The following ZFP91 variants were observed in gnomAD, a reference collection of about 807,000 sequenced individuals.
ZFP91 encodes E3 ubiquitin-protein ligase ZFP91.
ZFP91 carries 7 observed loss-of-function variants against 63.5 expected under a neutral mutation model. The ratio of observed to expected loss-of-function variants is 0.11; its 90% CI spans 0.06 to 0.21. The LOEUF (loss-of-function observed/expected upper bound fraction) is 0.21, where lower values mean the gene tolerates loss of function less well. Among genes scored for constraint, ZFP91 ranks in the 10% least tolerant of loss-of-function variants. The pLI is 1.00. For missense variants in ZFP91, 628 were observed against 736.6 expected (o/e 0.85, Z 1.71); for synonymous variants, 330 against 272.1 (o/e 1.21, Z -2.10).
chr11:58,618,581 T>C lies in ZFP91; in HGVS notation c.*875T>C. 2.4e-6 allele frequency: 1 copy of C among 414,134 alleles called. No homozygotes were observed. The highest frequency in any genetic ancestry group is 4.7e-6 in the Non-Finnish European group (1 of 212,292). 25.7% of individuals were successfully genotyped at this position (414,134 alleles called of 1,614,324 possible). The stretch of plus-strand genomic sequence containing the variant: ...ATTTATTAACAGGAAGTCTGATTTT[T>C]TTTTTTTGGAGTCTTTGTTGCTATA... On this transcript the variant is annotated 3_prime_UTR_variant, in exon 11 of 11. Transcript: ENST00000316059.
intron 8 of ZFP91, among the ~76,000 whole-genome samples, chr11:58,613,888 T>TGTGCCATTTGCTGC (rs1855707602): frequency 6.6e-6 from 1 of 152,202 alleles, no homozygotes; most frequent in Non-Finnish European, 1.5e-5. Context: ...TCCTCTGCTG[T>TGTGCCATTTGCTGC]GTGCCATTTG....
chr11:58,617,397 C>G lies in ZFP91; in HGVS notation c.1404C>G (p.Ala468=). The G allele has an allele frequency of 6.2e-7, 1 of 1,613,654 alleles. No individual in the cohort carries two copies. Among genetic ancestry groups the G allele is most frequent in the East Asian group, 2.2e-5 (1 of 44,884 alleles). The change falls in exon 11 of 11, where the codon GCC becomes GCG. Residue 468 remains alanine (A), a synonymous_variant. Coordinates refer to ENST00000316059, the MANE Select transcript of ZFP91 (RefSeq NM_053023.5). This position sits in a 1 kb window ranked among gnomAD's most constrained non-coding sequence, Gnocchi z 4.2. Reference sequence around the variant, plus strand: ...AAGCTCTGGCTGCCAATGCAGGCGCCCTCATCACCAGCACAGATATCTTGG... The same window carrying G: ...AAGCTCTGGCTGCCAATGCAGGCGCGCTCATCACCAGCACAGATATCTTGG... The part of the protein sequence containing the change: ...IAEALAANAG[A]LITSTDILGT...
In ZFP91 at chr11:58,591,120, C is replaced by T. The variant is rs181777963; in HGVS notation, c.370+6236C>T. Reference sequence around the variant, plus strand: ...AAATAAAACATAATTGTTTTGGAAACTCCCTTATGCTCCTTCAAGTCAACC... The same window carrying T: ...AAATAAAACATAATTGTTTTGGAAATTCCCTTATGCTCCTTCAAGTCAACC... On this transcript the variant is annotated intron_variant, in intron 2 of 10. Coordinates refer to ENST00000316059, the MANE Select transcript of ZFP91 (RefSeq NM_053023.5). Among the ~76,000 whole-genome samples the T allele has an allele frequency of 6.0e-3, 912 of 152,252 alleles. 4 individuals are homozygous for T. Among genetic ancestry groups the T allele is most frequent in the Non-Finnish European group, 9.6e-3 (652 of 68,008 alleles).
In ZFP91 at chr11:58,579,078, G is replaced by A; in HGVS notation, c.-204G>A. 5.3e-6 allele frequency: 2 copies of A among 374,688 alleles called. No individual in the cohort carries two copies. The highest frequency in any genetic ancestry group is 8.6e-5 in the East Asian group (2 of 23,332). The allele number at this position is 374,688 out of a possible 1,614,324, so 23.2% of individuals were successfully genotyped here. ...CTGAGCGTCTGTGGCGCGCGCGCGC[G>A]CGCCGCCAGCGGTAGCGGACCTTGA... On this transcript the variant is annotated 5_prime_UTR_variant, in exon 1 of 11. Transcript: ENST00000316059.
intron 6 of ZFP91, 102 bp from the exon 7 acceptor site, chr11:58,612,176 A>T: frequency 8.3e-7 from 1 of 1,206,766 alleles, no homozygotes; most frequent in Non-Finnish European, 1.2e-6. Context: ...ATCCTTTGCC[A>T]CTTGTTCTTT....
At chr11:58,610,276 GT>G in intron 3 of ZFP91, 21 bp from the exon 4 acceptor site, 1 of 1,588,392 alleles carries the variant, frequency 6.3e-7, no homozygotes, top group Non-Finnish European at 8.5e-7. Flanking sequence ...ATAAAATTTT[GT>G]TTTTGGCTTT....
intron 2 of ZFP91, among the ~76,000 whole-genome samples, chr11:58,596,799 A>G (rs1035851412): frequency 6.6e-6 from 1 of 151,526 alleles, no homozygotes; most frequent in African/African-American, 2.4e-5. Flanking sequence ...TCTGGACACA[A>G]TTTTCTCCAG....
intron 2 of ZFP91, among the ~76,000 whole-genome samples, chr11:58,594,316 C>T (rs1182062371): frequency 6.6e-6 from 1 of 152,158 alleles, no homozygotes; most frequent in Non-Finnish European, 1.5e-5. Flanking sequence ...AGCTAGCTAC[C>T]ACTTATTTAT....
chr11:58,579,415 C>G lies in ZFP91; in HGVS notation c.134C>G (p.Thr45Ser). 1 of 1,452,810 alleles carries G rather than the reference C, an allele frequency of 6.9e-7. No individual in the cohort carries two copies. The highest frequency in any genetic ancestry group is 9.0e-7 in the Non-Finnish European group (1 of 1,110,870). The allele number at this position is 1,452,810 out of a possible 1,614,324, so 90.0% of individuals were successfully genotyped here. A position where few individuals can be genotyped will look rare whatever the true frequency, so the allele number is the denominator to read the frequency against. ...GTCGCGGCGGCGCCTGCAGGGACCA[C>G]TAGCAGCCGCGTGCTGAGGGGAGGT... ...EAVAAAPAGT[T>S]SSRVLRGGRD... Residue 45 changes from threonine to serine, a missense_variant, in exon 1 of 11, where the codon ACT (threonine) becomes AGT (serine). Coordinates refer to ENST00000316059, the MANE Select transcript of ZFP91 (RefSeq NM_053023.5).
chr11:58,588,577 T>C (rs552673598), intron 2 of ZFP91, among the ~76,000 whole-genome samples: 4 of 152,288 alleles, frequency 2.6e-5, no homozygotes, highest in African/African-American at 4.8e-5. Context: ...TTATTTTTCA[T>C]GTATTGAAAT....
chr11:58,603,283 T>C (rs1296440004), intron 2 of ZFP91, among the ~76,000 whole-genome samples: 1 of 152,206 alleles, frequency 6.6e-6, no homozygotes, highest in Non-Finnish European at 1.5e-5. Context: ...AATTGAGGAA[T>C]GAATTGTTTA....
rs1051873422 is a variant in ZFP91, at chr11:58,619,790, G to A, written c.*2084G>A. On this transcript the variant is annotated 3_prime_UTR_variant, in exon 11 of 11. Coordinates refer to ENST00000316059, the MANE Select transcript of ZFP91 (RefSeq NM_053023.5). ...TGCTTTCCTGCCAACATGGTTTGGA[G>A]TCGACTTTGGTATATTGACTAGATT... The A allele has an allele frequency of 6.6e-6, 1 of 152,594 alleles. No individual in the cohort carries two copies. Among genetic ancestry groups the A allele is most frequent in the Admixed American group, 6.5e-5 (1 of 15,280 alleles). The allele number at this position is 152,594 out of a possible 1,614,324, so 9.5% of individuals were successfully genotyped here. A position where few individuals can be genotyped will look rare whatever the true frequency, so the allele number is the denominator to read the frequency against.
At chr11:58,589,360 C>G (rs970402350) in intron 2 of ZFP91, among the ~76,000 whole-genome samples, 9 of 152,192 alleles carry the variant, frequency 5.9e-5, no homozygotes, top group African/African-American at 2.2e-4. Context: ...CCACTACACC[C>G]AGCCTGTTAG....
chr11:58,611,495 G>A, intron 5 of ZFP91, 109 bp from the exon 6 acceptor site: 1 of 1,349,168 alleles, frequency 7.4e-7, no homozygotes, highest in East Asian at 2.3e-5. Context: ...CATGAACTGA[G>A]GAAGGTAGTT....
intron 1 of ZFP91, among the ~76,000 whole-genome samples, chr11:58,583,631 T>A (rs371851800): frequency 3.3e-5 from 5 of 152,118 alleles, no homozygotes; most frequent in Non-Finnish European, 7.4e-5. Context: ...TGGAAAAGTT[T>A]GTTATATAAT....
At position 58,610,949 on chromosome 11, in the gene ZFP91, G is replaced by A. The variant is rs79135825; in HGVS notation, c.618-1G>A. The A allele has an allele frequency of 0.026, 41,549 of 1,609,770 alleles. 649 individuals are homozygous for A. The highest frequency in any genetic ancestry group is 0.029 in the Non-Finnish European group (33,954 of 1,178,446). ...TCTCATTTCTATTTACTTATTTTTAGTAGTGAAGAGGAAGAGGAGGAGGAA... is the reference window on the plus strand; with the variant it reads ...TCTCATTTCTATTTACTTATTTTTAATAGTGAAGAGGAAGAGGAGGAGGAA... On this transcript the variant is annotated splice_acceptor_variant, in intron 4 of 10. Coordinates refer to ENST00000316059, the MANE Select transcript of ZFP91 (RefSeq NM_053023.5). LOFTEE classifies it high-confidence loss of function.
chr11:58,606,690 C>T (rs574309107), intron 2 of ZFP91, among the ~76,000 whole-genome samples: 16 of 151,942 alleles, frequency 1.1e-4, no homozygotes, highest in Admixed American at 9.8e-4. Context: ...CCATGAGTAC[C>T]TAATGTTTAG....
intron 6 of ZFP91, 128 bp from the exon 7 acceptor site, chr11:58,612,150 T>C (rs1855675319): frequency 1.1e-6 from 1 of 895,840 alleles, no homozygotes; most frequent in East Asian, 2.6e-5. Flanking sequence ...ATCTTTGACT[T>C]TATGTATTCT....
At chr11:58,582,993 C>T (rs951381943) in intron 1 of ZFP91, among the ~76,000 whole-genome samples, 21 of 152,110 alleles carry the variant, frequency 1.4e-4, no homozygotes, top group African/African-American at 5.1e-4. Flanking sequence ...AAGAGTAAGA[C>T]TGATCATTTG....
Sources: allele counts gnomAD v4.1 joint callset (sites outside exome capture counted in the v4.1 genomes callset), GRCh38; gene constraint gnomAD v4.1.1; non-coding constraint Gnocchi (gnomAD v3.1); transcripts MANE v1.5; gene names NCBI Gene and HGNC (gene_info 2026-07-23, HGNC 2026-07-21).